TASP1: variants seen among roughly 807,000 people sequenced by gnomAD.
The protein encoded by TASP1 is taspase 1, also known as threonine aspartase 1.
A neutral mutation model predicts 56.6 loss-of-function variants in TASP1; 16 were observed. That is an observed-to-expected ratio of 0.28 (90% CI 0.19 to 0.43). The LOEUF is 0.43. TASP1 is among the 20% of genes least tolerant of loss of function. TASP1 has a pLI of 1.00. For synonymous variants in TASP1, 179 were observed against 184.2 expected, an observed-to-expected ratio of 0.97 and a Z score of 0.23; for missense variants, 393 against 511.6, an observed-to-expected ratio of 0.77 and a Z score of 2.24.
At chr20:13,207,575 G>C in the TASP1 span, among the ~76,000 whole-genome samples, 2 of 152,204 alleles carry the variant, frequency 1.3e-5, no homozygotes, top group African/African-American at 4.8e-5. Flanking sequence ...CTGAGAACTG[G>C]AGAGCTGATG....
intron 11 of TASP1, among the ~76,000 whole-genome samples, chr20:13,445,075 T>C (rs1357218224): frequency 6.6e-6 from 1 of 152,154 alleles, no homozygotes. Flanking sequence ...ATTTAAAAGA[T>C]AGGAAGAGTC....
chr20:13,567,162 C>G (rs551667257), intron 7 of TASP1, among the ~76,000 whole-genome samples: 1 of 152,014 alleles, frequency 6.6e-6, no homozygotes, highest in Admixed American at 6.6e-5. Context: ...CCTTAGCAAA[C>G]TAACACAGGA....
At chr20:13,388,950 G>T (rs1458361352), downstream of TASP1, among the ~76,000 whole-genome samples, 1 of 152,146 alleles carries the variant, frequency 6.6e-6, no homozygotes, top group Non-Finnish European at 1.5e-5. Flanking sequence ...ACCGCCCAGA[G>T]CCATGATTAC....
intron 7 of TASP1, among the ~76,000 whole-genome samples, chr20:13,562,982 GTATATACACA>G (rs1568586231): frequency 7.4e-6 from 1 of 135,424 alleles, no homozygotes; most frequent in African/African-American, 2.7e-5. Context: ...GTATGTGTGT[GTATATACACA>G]TATATACACA....
At chr20:13,253,698 A>G in the TASP1 span, among the ~76,000 whole-genome samples, 8 of 152,030 alleles carry the variant, frequency 5.3e-5, no homozygotes, top group African/African-American at 1.9e-4. Context: ...CGATTCCAAC[A>G]CTGCTGGCCT....
At chr20:13,219,279 C>A in the TASP1 span, among the ~76,000 whole-genome samples, 1 of 152,148 alleles carries the variant, frequency 6.6e-6, no homozygotes, top group Non-Finnish European at 1.5e-5. Context: ...TTCTAGTTTG[C>A]CATCTTAATT....
the TASP1 span, among the ~76,000 whole-genome samples, chr20:13,352,042 T>A: frequency 6.6e-6 from 1 of 152,210 alleles, no homozygotes; most frequent in Admixed American, 6.5e-5. Context: ...CACAGAAGAC[T>A]GAAATTTCTA....
chr20:13,142,564 G>A, the TASP1 span, among the ~76,000 whole-genome samples: 3 of 152,264 alleles, frequency 2.0e-5, no homozygotes, highest in African/African-American at 7.2e-5. Flanking sequence ...GATTGTATTT[G>A]CTTTCTATTT....
chr20:13,483,096 C>T, intron 11 of TASP1, 131 bp downstream of exon 11: 1 of 565,576 alleles, frequency 1.8e-6, no homozygotes, highest in Non-Finnish European at 3.0e-6. Context: ...TCAGTATTAA[C>T]TGTGGTTCTT....
chr20:13,175,303 G>T, the TASP1 span, among the ~76,000 whole-genome samples: 1 of 152,172 alleles, frequency 6.6e-6, no homozygotes, highest in Non-Finnish European at 1.5e-5. Flanking sequence ...GTAGGACTGA[G>T]CCCACAAGAA....
chr20:13,608,173 T>C (rs1484593991), intron 4 of TASP1, among the ~76,000 whole-genome samples: 1 of 152,240 alleles, frequency 6.6e-6, no homozygotes, highest in African/African-American at 2.4e-5. Flanking sequence ...TTGTACAATA[T>C]GCCTATCTTA....
At chr20:13,629,293 G>A (rs6131494) in intron 2 of TASP1, among the ~76,000 whole-genome samples, 19,701 of 150,330 alleles carry the variant, frequency 0.13, 1,495 homozygotes, top group East Asian at 0.22. Context: ...GAACTTGGGA[G>A]GTGGAGGCTG....
At chr20:13,207,658 T>A in the TASP1 span, among the ~76,000 whole-genome samples, 2 of 152,198 alleles carry the variant, frequency 1.3e-5, no homozygotes, top group Non-Finnish European at 2.9e-5. Flanking sequence ...GAGCAAATTC[T>A]TCCTTCGGTT....
chr20:13,555,658 T>C (rs2046132852), intron 8 of TASP1, among the ~76,000 whole-genome samples: 2 of 152,166 alleles, frequency 1.3e-5, no homozygotes, highest in Non-Finnish European at 1.5e-5. Context: ...TCCATGAGGC[T>C]TGGAATCCAT....
At chr20:13,472,530 C>T (rs185842162) in intron 11 of TASP1, among the ~76,000 whole-genome samples, 27 of 151,010 alleles carry the variant, frequency 1.8e-4, no homozygotes, top group Non-Finnish European at 2.8e-4. Context: ...AAGAAACTAC[C>T]ATCAGAGTGA....
chr20:13,512,042 T>G (rs1456948980), intron 10 of TASP1, among the ~76,000 whole-genome samples: 1 of 152,178 alleles, frequency 6.6e-6, no homozygotes, highest in African/African-American at 2.4e-5. Flanking sequence ...TCTCTGCTAT[T>G]GCAAATAGTG....
intron 12 of TASP1, among the ~76,000 whole-genome samples, chr20:13,426,374 G>A (rs989540078): frequency 6.6e-6 from 1 of 152,064 alleles, no homozygotes; most frequent in South Asian, 2.1e-4. Context: ...ATAGTCATTA[G>A]AATTCTATTC....
chr20:13,390,351 C>A lies in TASP1; in HGVS notation c.*9G>T, dbSNP rs770915836. ...TGCCTCTGAGACGCTTCACACTCAG[C>A]CTGAAGGGTCAGTTCACTGGGCTCT... On this transcript the variant is annotated 3_prime_UTR_variant, in exon 14 of 14. Coordinates refer to ENST00000337743, the MANE Select transcript of TASP1 (RefSeq NM_017714.3). 2 of 1,613,356 alleles carry A rather than the reference C, an allele frequency of 1.2e-6. No individual in the cohort carries two copies. The highest frequency in any genetic ancestry group is 1.7e-6 in the Non-Finnish European group (2 of 1,179,454).
At chr20:13,486,727 A>C (rs897410028) in intron 10 of TASP1, among the ~76,000 whole-genome samples, 10 of 152,202 alleles carry the variant, frequency 6.6e-5, no homozygotes, top group African/African-American at 2.2e-4. Context: ...ACAGAAAGAT[A>C]CCAGACACTA....
Sources: gnomAD v4.1 joint callset for allele counts (sites outside exome capture counted in the v4.1 genomes callset) on GRCh38, gnomAD v4.1.1 for gene constraint, MANE v1.5 for transcripts, NCBI Gene and HGNC (gene_info 2026-07-23, HGNC 2026-07-21) for gene names.